PATJ: variants seen among roughly 807,000 people sequenced by gnomAD.
PATJ encodes PATJ crumbs cell polarity complex component, also known as inaD-like protein.
In PATJ, 190 loss-of-function variants were observed where a neutral mutation model predicts 224.9. The ratio of observed to expected loss-of-function variants is 0.84; its 90% CI spans 0.75 to 0.95. The LOEUF (loss-of-function observed/expected upper bound fraction) is 0.95, where lower values mean the gene tolerates loss of function less well. PATJ is among the 40% of genes least tolerant of loss of function. The pLI is 0.00. For synonymous variants in PATJ, 769 were observed against 820.3 expected (o/e 0.94, Z 1.07); for missense variants, 2,121 against 2,270.3 (o/e 0.93, Z 1.34).
At chr1:61,788,763 C>G (rs547765250) in intron 8 of PATJ, among the ~76,000 whole-genome samples, 5 of 152,290 alleles carry the variant, frequency 3.3e-5, no homozygotes, top group African/African-American at 1.2e-4. Flanking sequence ...CAACCTCTGC[C>G]TCCCAGATTC....
intron 17 of PATJ, among the ~76,000 whole-genome samples, chr1:61,837,013 TCA>T (rs1216353905): frequency 1.3e-5 from 2 of 152,246 alleles, no homozygotes; most frequent in African/African-American, 4.8e-5. Flanking sequence ...ATATCTCATT[TCA>T]GTTTAACCAC....
chr1:61,935,584 G>A (rs1676727222), intron 27 of PATJ, among the ~76,000 whole-genome samples: 1 of 152,070 alleles, frequency 6.6e-6, no homozygotes, highest in African/African-American at 2.4e-5. Context: ...CTTGAACCCA[G>A]GAATTCCAGA....
At chr1:62,152,243 G>A (rs541603174) in intron 42 of PATJ, among the ~76,000 whole-genome samples, 1 of 152,280 alleles carries the variant, frequency 6.6e-6, no homozygotes, top group South Asian at 2.1e-4. Flanking sequence ...TGTAGGGGAA[G>A]CACAGAAAAG....
At chr1:61,748,890 T>C (rs1018814899) in intron 1 of PATJ, among the ~76,000 whole-genome samples, 1 of 152,172 alleles carries the variant, frequency 6.6e-6, no homozygotes, top group Non-Finnish European at 1.5e-5. Context: ...GAGATGCTAA[T>C]AGTAGTTATC....
chr1:61,793,983 A>T (rs12116549), intron 9 of PATJ, among the ~76,000 whole-genome samples: 148,499 of 148,500 alleles, frequency 1, 74,249 homozygotes, highest in Middle Eastern at 1. Flanking sequence ...GCTCACTGCA[A>T]CCTCCATCTC....
chr1:61,798,512 T>C (rs1053829068), intron 11 of PATJ, among the ~76,000 whole-genome samples: 25 of 152,228 alleles, frequency 1.6e-4, no homozygotes, highest in African/African-American at 5.8e-4. Flanking sequence ...TGTCAGTTTT[T>C]AATTATCAAC....
At chr1:61,777,703 CT>C (rs66470863) in intron 7 of PATJ, among the ~76,000 whole-genome samples, 3,620 of 48,678 alleles carry the variant, frequency 0.074, 62 homozygotes, top group Admixed American at 0.087. Context: ...TTCTTTCTTT[CT>C]TTTTTTTTTT....
intron 43 of PATJ, among the ~76,000 whole-genome samples, chr1:62,154,649 C>CAA (rs61670416): frequency 0.19 from 24,463 of 131,270 alleles, 3,535 homozygotes; most frequent in East Asian, 0.54. Context: ...CAATCCATCT[C>CAA]AAAAAAAAAA....
At position 62,121,776 on chromosome 1, in the gene PATJ, GA is replaced by G. The variant is rs779754902; in HGVS notation, c.5005+492del. On this transcript the variant is annotated intron_variant, in intron 38 of 43. Coordinates refer to ENST00000642238, the MANE Select transcript of PATJ (RefSeq NM_001350145.3). The stretch of plus-strand genomic sequence containing the variant: ...GTGACAGAGCAAGACTCCGTCTCCA[GA>G]AAAAAAAAAAGAAATTCCTTCAGTG... Among the ~76,000 whole-genome samples, 266 of 48,118 alleles carry G rather than the reference GA, an allele frequency of 5.5e-3. 1 individual carries two copies. Among genetic ancestry groups the G allele is most frequent in the Admixed American group, 9.2e-3 (39 of 4,224 alleles). The allele number at this position is 48,118 out of a possible 152,430, so 31.6% of individuals were successfully genotyped here. A position where few individuals can be genotyped will look rare whatever the true frequency, so the allele number is the denominator to read the frequency against.
rs1401226802 is a variant in PATJ, at chr1:61,795,552, A to G, written c.1254A>G (p.Ile418Met). Residue 418 changes from isoleucine to methionine, a missense_variant, in exon 10 of 44, where the codon ATA becomes ATG. Physicochemically the swap from Ile to Met is conservative, Grantham distance 10. Transcript: ENST00000642238. ...HNGHIQVNDK[I>M]VAVDGVNIQG... ...GCCACATTCAAGTGAATGACAAAAT[A>G]GTTGCTGTAAGTAACTCGCCTCTGT... is the stretch of plus-strand genomic sequence containing the variant. 2.5e-6 allele frequency: 4 copies of G among 1,596,610 alleles called. No homozygotes were observed. The highest frequency in any genetic ancestry group is 2.2e-5 in the South Asian group (2 of 90,122).
At position 62,026,576 on chromosome 1, in the gene PATJ, T is replaced by C. The variant is rs532498374; in HGVS notation, c.3959+8629T>C. On this transcript the variant is annotated intron_variant, in intron 29 of 43. Transcript: ENST00000642238. ...TTAGAACAAGTTGCAATAAATAAAG[T>C]CAGCCTGCTCAACAATCCAGGCTGA... 2.6e-5 allele frequency among the ~76,000 whole-genome samples: 4 copies of C among 151,872 alleles called. No individual in the cohort carries two copies. The East Asian group carries it at 7.7e-4, about 29-fold the overall frequency.
In PATJ at chr1:61,763,012, G is replaced by A; in HGVS notation, c.23-1G>A. 6.2e-7 allele frequency: 1 copy of A among 1,606,868 alleles called. No individual in the cohort carries two copies. Among genetic ancestry groups the A allele is most frequent in the Non-Finnish European group, 8.5e-7 (1 of 1,176,404 alleles). ...ACTCTACTTATTCATCTTGACCCAAGATAAACTGCAGGTGCTGCAGGTACT... is the reference window on the plus strand; with the variant it reads ...ACTCTACTTATTCATCTTGACCCAAAATAAACTGCAGGTGCTGCAGGTACT... On this transcript the variant is annotated splice_acceptor_variant, in intron 2 of 43. Transcript: ENST00000642238. LOFTEE classifies it high-confidence loss of function.
intron 18 of PATJ, among the ~76,000 whole-genome samples, chr1:61,856,866 A>AG (rs1317461047): frequency 6.6e-6 from 1 of 152,100 alleles, no homozygotes; most frequent in East Asian, 1.9e-4. Context: ...GTGCTTTTTT[A>AG]GGGGTGTGAG....
At chr1:61,748,806 A>G (rs1645167696) in intron 1 of PATJ, among the ~76,000 whole-genome samples, 1 of 152,068 alleles carries the variant, frequency 6.6e-6, no homozygotes, top group South Asian at 2.1e-4. Flanking sequence ...ACCGGCACGC[A>G]CCACCACGCT....
intron 33 of PATJ, among the ~76,000 whole-genome samples, chr1:62,095,632 G>A (rs1661304728): frequency 6.6e-6 from 1 of 152,132 alleles, no homozygotes; most frequent in African/African-American, 2.4e-5. Context: ...AACTCTATTA[G>A]AGAAAGCATT....
chr1:61,913,555 G>T (rs1441751352), intron 25 of PATJ, among the ~76,000 whole-genome samples: 1 of 152,178 alleles, frequency 6.6e-6, no homozygotes, highest in African/African-American at 2.4e-5. Context: ...TTTATGCCAA[G>T]ATTATCTGTG....
chr1:61,883,276 T>C (rs1442831704), intron 21 of PATJ, among the ~76,000 whole-genome samples: 4 of 152,186 alleles, frequency 2.6e-5, no homozygotes, highest in Admixed American at 6.5e-5. Flanking sequence ...CCTTTCTAAA[T>C]AGAAATCAAA....
At chr1:61,968,060 C>T (rs1199952708) in intron 27 of PATJ, among the ~76,000 whole-genome samples, 2 of 152,016 alleles carry the variant, frequency 1.3e-5, no homozygotes, top group African/African-American at 4.8e-5. Flanking sequence ...AGGAGTAAAG[C>T]ATTAAACCAT....
chr1:62,120,272 G>T (rs931169151), intron 37 of PATJ, among the ~76,000 whole-genome samples: 1 of 152,094 alleles, frequency 6.6e-6, no homozygotes, highest in Non-Finnish European at 1.5e-5. Flanking sequence ...GATGTCTATT[G>T]TATAATTCTT....
Sources: allele counts gnomAD v4.1 joint callset (sites outside exome capture counted in the v4.1 genomes callset), GRCh38; gene constraint gnomAD v4.1.1; transcripts MANE v1.5; gene names NCBI Gene and HGNC (gene_info 2026-07-23, HGNC 2026-07-21).